The following KLHL25 variants were observed in gnomAD, a reference collection of about 807,000 sequenced individuals.
KLHL25 encodes the protein kelch like family member 25, also known as kelch-like protein 25.
A neutral mutation model predicts 30.0 loss-of-function variants in KLHL25; 41 were observed. The observed-to-expected ratio is 1.37, with a 90% CI of 1.07 to 1.78. The LOEUF (loss-of-function observed/expected upper bound fraction) is 1.78. Among genes scored for constraint, KLHL25 ranks in the 40% most tolerant of loss-of-function variants. The pLI, the probability that KLHL25 is intolerant of heterozygous loss-of-function variation, is 0.00. For synonymous variants in KLHL25, 399 were observed against 355.3 expected (o/e 1.12, Z -1.38); for missense variants, 971 against 824.5 (o/e 1.18, Z -2.18).
At chr15:85,785,783 C>T (rs550737748) in intron 1 of KLHL25, among the ~76,000 whole-genome samples, 4 of 152,282 alleles carry the variant, frequency 2.6e-5, no homozygotes, top group African/African-American at 7.2e-5. Context: ...AATTGTACCT[C>T]CCAGTAAAAA....
In KLHL25 at chr15:85,769,569, T is replaced by C. The variant is rs1450499633; in HGVS notation, c.242A>G (p.Glu81Gly). The C allele has an allele frequency of 6.2e-7, 1 of 1,613,744 alleles. No homozygotes were observed. The highest frequency in any genetic ancestry group is 1.7e-5 in the Admixed American group (1 of 60,030). Residue 81 changes from glutamate to glycine, a missense_variant, in exon 2 of 3, where the codon GAG (glutamate) becomes GGG (glycine). Transcript: ENST00000337975. ...FEAMFSHGLR[E>G]SRDDTVNFQD... ...GAAGTTGACAGTGTCATCCCGGCTCTCCCGAAGGCCATGGCTGAACATGGC... is the reference window on the plus strand; with the variant it reads ...GAAGTTGACAGTGTCATCCCGGCTCCCCCGAAGGCCATGGCTGAACATGGC...
chr15:85,793,888 C>T (rs974059004), intron 1 of KLHL25, among the ~76,000 whole-genome samples: 4 of 152,224 alleles, frequency 2.6e-5, no homozygotes, highest in African/African-American at 9.6e-5. Context: ...GCCCCCTCAC[C>T]CACAGTTCGT....
intron 1 of KLHL25, among the ~76,000 whole-genome samples, chr15:85,779,548 G>A (rs1355451528): frequency 6.6e-6 from 1 of 152,218 alleles, no homozygotes; most frequent in Non-Finnish European, 1.5e-5. Flanking sequence ...GAGAAACACT[G>A]CAAACACAAC....
intron 1 of KLHL25, among the ~76,000 whole-genome samples, chr15:85,780,510 A>C (rs751003586): frequency 2.0e-5 from 3 of 152,174 alleles, no homozygotes; most frequent in Non-Finnish European, 2.9e-5. Context: ...GAGCCATTAA[A>C]AGCACTCTGG....
rs755421725 is a variant in KLHL25, at chr15:85,769,018, T to C, written c.793A>G (p.Ile265Val). Residue 265 changes from isoleucine to valine, a missense_variant, in exon 2 of 3, where the codon ATC (isoleucine) becomes GTC (valine). Transcript: ENST00000337975. Reference protein sequence around the residue: ...LLMADERTKLIMDEALRCKTR... With the variant: ...LLMADERTKLVMDEALRCKTR... ...TTGCAGCGCAGGGCCTCATCCATGA[T>C]AAGCTTGGTGCGCTCGTCTGCCATG... 6.2e-7 allele frequency: 1 copy of C among 1,611,086 alleles called. No homozygotes were observed. Among genetic ancestry groups the C allele is most frequent in the South Asian group, 1.1e-5 (1 of 91,062 alleles).
At chr15:85,775,108 C>G (rs2089701493) in intron 1 of KLHL25, among the ~76,000 whole-genome samples, 1 of 152,130 alleles carries the variant, frequency 6.6e-6, no homozygotes, top group Admixed American at 6.5e-5. Flanking sequence ...AACTCCTGAC[C>G]TCAGGTGATC....
At chr15:85,779,091 G>A (rs2089728230) in intron 1 of KLHL25, among the ~76,000 whole-genome samples, 1 of 149,924 alleles carries the variant, frequency 6.7e-6, no homozygotes, top group Admixed American at 6.7e-5. Context: ...GCTAAGAAGA[G>A]AAGCCAGCCG....
rs1193654353 is a variant in KLHL25 at position 85,794,892 on chromosome 15, A to T, written c.-137T>A. On this transcript the variant is annotated 5_prime_UTR_variant, in exon 1 of 3. Transcript: ENST00000337975. The stretch of plus-strand genomic sequence containing the variant: ...CACAGGCAAAAACGCTCTCGCTGCG[A>T]TACAGCCTAGGCGCCGCCAACAAAC... 1 of 152,284 alleles carries T rather than the reference A, an allele frequency of 6.6e-6. No homozygotes were observed. Among genetic ancestry groups the T allele is most frequent in the Non-Finnish European group, 1.5e-5 (1 of 68,134 alleles). 9.4% of individuals were successfully genotyped at this position (152,284 alleles called of 1,614,324 possible).
intron 1 of KLHL25, among the ~76,000 whole-genome samples, chr15:85,778,046 C>G (rs1361746117): frequency 6.6e-6 from 1 of 152,228 alleles, no homozygotes; most frequent in Non-Finnish European, 1.5e-5. Flanking sequence ...CAAATCGCAG[C>G]AGCTGTACAG....
intron 1 of KLHL25, among the ~76,000 whole-genome samples, chr15:85,787,806 G>A (rs1043292321): frequency 1.3e-5 from 2 of 152,138 alleles, no homozygotes; most frequent in African/African-American, 4.8e-5. Context: ...CACATACAAC[G>A]GAGGACTAGA....
chr15:85,785,283 C>T (rs373589623), intron 1 of KLHL25, among the ~76,000 whole-genome samples: 11 of 151,950 alleles, frequency 7.2e-5, no homozygotes, highest in African/African-American at 1.7e-4. Flanking sequence ...TTAGTAGAGA[C>T]GAGGTTTCAC....
chr15:85,779,016 G>A (rs1024250791), intron 1 of KLHL25, among the ~76,000 whole-genome samples: 2 of 151,520 alleles, frequency 1.3e-5, no homozygotes, highest in African/African-American at 2.4e-5. Flanking sequence ...CAAAGGCAAC[G>A]TATGGATTTG....
At chr15:85,792,257 C>T (rs1443417368) in intron 1 of KLHL25, among the ~76,000 whole-genome samples, 1 of 149,750 alleles carries the variant, frequency 6.7e-6, no homozygotes, top group Non-Finnish European at 1.5e-5. Flanking sequence ...CTCCCCTGCA[C>T]CTCCCTCCTC....
chr15:85,773,525 C>T (rs1429918824), intron 1 of KLHL25, among the ~76,000 whole-genome samples: 2 of 152,348 alleles, frequency 1.3e-5, no homozygotes, highest in African/African-American at 4.8e-5. Context: ...GGTGGCATCC[C>T]GGGGTGGGCA....
chr15:85,769,740 T>A lies in KLHL25; in HGVS notation c.71A>T (p.His24Leu). The change falls in exon 2 of 3, where the codon CAC becomes CTC. Residue 24 changes from histidine to leucine, a missense_variant. Physicochemically the swap from His to Leu is moderately conservative, Grantham distance 99. Coordinates refer to ENST00000337975, the MANE Select transcript of KLHL25 (RefSeq NM_022480.4). ...CACACAGTCCGGGTGGGAGGCCTTGTGGAAGAGGGTGACGTTCATGGACCC... is the reference window on the plus strand; with the variant it reads ...CACACAGTCCGGGTGGGAGGCCTTGAGGAAGAGGGTGACGTTCATGGACCC... ...STGSMNVTLFHKASHPDCVLA... is the reference protein window; with the variant it reads ...STGSMNVTLFLKASHPDCVLA... 1 of 1,613,758 alleles carries A rather than the reference T, an allele frequency of 6.2e-7. No homozygotes were observed.
chr15:85,768,743 C>G lies in KLHL25; in HGVS notation c.1068G>C (p.Lys356Asn), dbSNP rs771534731. ...GGRGSENGVSKDVWVYDTVHE... is the reference protein window; with the variant it reads ...GGRGSENGVSNDVWVYDTVHE... ...GTACGGTGTCGTACACCCAGACATC[C>G]TTGGAGACCCCGTTCTCGGAGCCCC... The change falls in exon 2 of 3, where the codon AAG (lysine) becomes AAC (asparagine). Residue 356 changes from lysine (K) to asparagine (N), a missense_variant. Transcript: ENST00000337975. 1.9e-6 allele frequency: 3 copies of G among 1,613,142 alleles called. No individual in the cohort carries two copies. Among genetic ancestry groups the G allele is most frequent in the East Asian group, 4.5e-5 (2 of 44,878 alleles).
chr15:85,767,568 C>G (rs552842430), intron 2 of KLHL25, among the ~76,000 whole-genome samples: 24 of 152,202 alleles, frequency 1.6e-4, no homozygotes, highest in Non-Finnish European at 2.8e-4. Flanking sequence ...TAACTGTGAG[C>G]ATAACAGCCT....
intron 1 of KLHL25, among the ~76,000 whole-genome samples, chr15:85,771,586 G>C (rs2089675015): frequency 1.3e-5 from 2 of 152,346 alleles, no homozygotes; most frequent in South Asian, 4.1e-4. Flanking sequence ...TAGGCAGAGA[G>C]GGCACAGGGC....
At chr15:85,767,944 T>G in intron 2 of KLHL25, 73 bp downstream of exon 2, 2 of 970,526 alleles carry the variant, frequency 2.1e-6, no homozygotes, top group Non-Finnish European at 3.0e-6. Context: ...CTTCACCCAG[T>G]GGGAAGAGGT....
Sources: gnomAD v4.1 joint callset for allele counts (sites outside exome capture counted in the v4.1 genomes callset) on GRCh38, gnomAD v4.1.1 for gene constraint, MANE v1.5 for transcripts, NCBI Gene and HGNC (gene_info 2026-07-23, HGNC 2026-07-21) for gene names.